Variants in SNX2 observed in about 807,000 individuals in gnomAD.
The protein encoded by SNX2 is sorting nexin-2.
SNX2 carries 25 observed loss-of-function variants against 69.9 expected under a neutral mutation model. The ratio of observed to expected loss-of-function variants is 0.36; its 90% CI spans 0.26 to 0.50. The LOEUF is 0.50. Ranked by LOEUF, SNX2 falls within the 20% of genes least tolerant of loss-of-function variation. The pLI, the probability that SNX2 is intolerant of heterozygous loss-of-function variation, is 0.97. For synonymous variants in SNX2, 229 were observed against 200.4 expected, an observed-to-expected ratio of 1.14 and a Z score of -1.20; for missense variants, 551 against 613.3, an observed-to-expected ratio of 0.90 and a Z score of 1.07.
chr5:122,785,725 G>C (rs1005068532), intron 1 of SNX2, among the ~76,000 whole-genome samples: 6 of 152,064 alleles, frequency 3.9e-5, no homozygotes, highest in African/African-American at 1.4e-4. Flanking sequence ...GGTTTCATTT[G>C]GTAATGGTAA....
chr5:122,787,215 C>A (rs910249514), intron 1 of SNX2, among the ~76,000 whole-genome samples: 1 of 152,084 alleles, frequency 6.6e-6, no homozygotes, highest in Admixed American at 6.5e-5. Context: ...TTTTTGCAAC[C>A]TTTAAAGATT....
chr5:122,786,682 A>G (rs540240914), intron 1 of SNX2, among the ~76,000 whole-genome samples: 60 of 145,148 alleles, frequency 4.1e-4, no homozygotes, highest in African/African-American at 1.4e-3. Flanking sequence ...AAAAGTTAAG[A>G]CAGAATAAAA....
At chr5:122,804,491 G>A (rs1397726117) in intron 6 of SNX2, among the ~76,000 whole-genome samples, 1 of 150,906 alleles carries the variant, frequency 6.6e-6, no homozygotes, top group Non-Finnish European at 1.5e-5. Flanking sequence ...CCAGCCTTCC[G>A]AGTAGCTAGG....
chr5:122,782,785 C>T (rs1439927752), intron 1 of SNX2, among the ~76,000 whole-genome samples: 1 of 151,524 alleles, frequency 6.6e-6, no homozygotes, highest in African/African-American at 2.4e-5. Flanking sequence ...GATCTGCCTG[C>T]CTTGGCCTCC....
intron 6 of SNX2, among the ~76,000 whole-genome samples, chr5:122,806,168 A>ACACACACAC (rs1491247026): frequency 3.4e-5 from 5 of 145,752 alleles, no homozygotes; most frequent in Admixed American, 1.4e-4. Flanking sequence ...ACACACACAC[A>ACACACACAC]GCCCACCATT....
At chr5:122,784,821 C>T (rs1215448547) in intron 1 of SNX2, among the ~76,000 whole-genome samples, 1 of 152,016 alleles carries the variant, frequency 6.6e-6, no homozygotes, top group African/African-American at 2.4e-5. Flanking sequence ...TTACGTCTTC[C>T]CTAAATGTTG....
chr5:122,826,300 T>C, intron 12 of SNX2, 107 bp downstream of exon 12: 1 of 956,010 alleles, frequency 1.0e-6, no homozygotes, highest in South Asian at 2.2e-5. Flanking sequence ...TAGCTATTTT[T>C]GCATATTTTT....
At chr5:122,798,345 A>T (rs1190148802) in intron 2 of SNX2, among the ~76,000 whole-genome samples, 3 of 152,114 alleles carry the variant, frequency 2.0e-5, no homozygotes, top group Non-Finnish European at 4.4e-5. Flanking sequence ...AGTTTGAAAG[A>T]TTTTTAGTTA....
At chr5:122,790,013 G>A (rs1753193121) in intron 1 of SNX2, among the ~76,000 whole-genome samples, 1 of 152,150 alleles carries the variant, frequency 6.6e-6, no homozygotes, top group South Asian at 2.1e-4. Context: ...TTTAAGGGTT[G>A]GAAATCCAAG....
chr5:122,826,011 G>GT, intron 11 of SNX2, 39 bp from the exon 12 acceptor site: 1 of 1,574,668 alleles, frequency 6.4e-7, no homozygotes, highest in Non-Finnish European at 8.7e-7. Context: ...TATTTTAAAT[G>GT]TTACTCTTAC....
chr5:122,812,017 C>T (rs1370753971), intron 7 of SNX2, among the ~76,000 whole-genome samples: 1 of 152,128 alleles, frequency 6.6e-6, no homozygotes, highest in African/African-American at 2.4e-5. Flanking sequence ...TCTATTGCTT[C>T]TTTCTGATAT....
At chr5:122,778,908 A>T (rs543350853) in intron 1 of SNX2, among the ~76,000 whole-genome samples, 58 of 152,288 alleles carry the variant, frequency 3.8e-4, no homozygotes, top group African/African-American at 1.4e-3. Flanking sequence ...TGAAACAAAA[A>T]AGGGATGGAG....
chr5:122,826,112 C>A lies in SNX2; in HGVS notation c.1275C>A (p.Leu425=). ...GGGAAGATGCTCAAATTACTTTGCT[C>A]AAAAAACGTGAAGCTGAAGCAAAAA... ...QKWEDAQITL[L]KKREAEAKMM... The change falls in exon 12 of 15, where the codon CTC becomes CTA. Residue 425 remains leucine (L), a synonymous_variant. Transcript: ENST00000379516. The A allele has an allele frequency of 1.2e-6, 2 of 1,613,082 alleles. No individual in the cohort carries two copies. Among genetic ancestry groups the A allele is most frequent in the South Asian group, 2.2e-5 (2 of 91,018 alleles).
chr5:122,783,854 T>G (rs1263879132), intron 1 of SNX2, among the ~76,000 whole-genome samples: 1 of 152,148 alleles, frequency 6.6e-6, no homozygotes, highest in African/African-American at 2.4e-5. Flanking sequence ...GAAATTAGTT[T>G]CAGGAGAATT....
rs370141722 is a variant in SNX2 at position 122,827,715 on chromosome 5, G to A, written c.1509+69G>A. ...TTGGTATACTTTCTTATTTTAAAAA[G>A]ATGATTAATGAACTGGGCATTTAAA... On this transcript the variant is annotated intron_variant, in intron 14 of 14. Coordinates refer to ENST00000379516, the MANE Select transcript of SNX2 (RefSeq NM_003100.4). 2.1e-3 allele frequency: 2,211 copies of A among 1,049,932 alleles called. 43 individuals are homozygous for A. In the South Asian group the frequency reaches 0.03, roughly 14 times the overall value. 65.0% of individuals were successfully genotyped at this position (1,049,932 alleles called of 1,614,324 possible).
rs1754244047 is a variant in SNX2, at chr5:122,829,804, ACACACACT to A, written c.*158_*165del. 5 of 578,170 alleles carry A rather than the reference ACACACACT, an allele frequency of 8.6e-6. No homozygotes were observed. Among genetic ancestry groups the A allele is most frequent in the South Asian group, 2.1e-5 (1 of 47,322 alleles). The allele number at this position is 578,170 out of a possible 1,614,324, so 35.8% of individuals were successfully genotyped here. A position where few individuals can be genotyped will look rare whatever the true frequency, so the allele number is the denominator to read the frequency against. ...CACACACACACACACACACACACAC[ACACACACT>A]CTGACATTTTATTACAAGCTGCATG... On this transcript the variant is annotated 3_prime_UTR_variant, in exon 15 of 15. Transcript: ENST00000379516.
Position 122,789,254 on chromosome 5 carries a change from T to C in SNX2, c.109-6012T>C, listed in dbSNP as rs552761643. On this transcript the variant is annotated intron_variant, in intron 1 of 14. Coordinates refer to ENST00000379516, the MANE Select transcript of SNX2 (RefSeq NM_003100.4). ...ACTTTGACAGTGACCTAAGTATCAATTGAGTTTTCCAGTCTGTGAGAATTG... is the reference window on the plus strand; with the variant it reads ...ACTTTGACAGTGACCTAAGTATCAACTGAGTTTTCCAGTCTGTGAGAATTG... 3.9e-5 allele frequency among the ~76,000 whole-genome samples: 6 copies of C among 152,262 alleles called. No homozygotes were observed. The East Asian group carries it at 9.7e-4, about 25-fold the overall frequency.
intron 11 of SNX2, among the ~76,000 whole-genome samples, chr5:122,822,099 CTTTCTTTTTT>C (rs1249221909): frequency 6.6e-6 from 1 of 152,004 alleles, no homozygotes; most frequent in Non-Finnish European, 1.5e-5. Flanking sequence ...ATTTCTTTTT[CTTTCTTTTTT>C]ATTGAGATGG....
chr5:122,787,708 C>A (rs773188448), intron 1 of SNX2, among the ~76,000 whole-genome samples: 1 of 152,024 alleles, frequency 6.6e-6, no homozygotes, highest in Admixed American at 6.6e-5. Context: ...ATTGTGCGGT[C>A]CACTCTTGGG....
Sources: gnomAD v4.1 joint callset for allele counts (sites outside exome capture counted in the v4.1 genomes callset) on GRCh38, gnomAD v4.1.1 for gene constraint, MANE v1.5 for transcripts, NCBI Gene and HGNC (gene_info 2026-07-23, HGNC 2026-07-21) for gene names.